Variants in IP6K2 observed in about 807,000 individuals in gnomAD.
The protein encoded by IP6K2 is ATP:1D-myo-inositol-hexakisphosphate phosphotransferase.
IP6K2 carries 9 observed loss-of-function variants against 43.3 expected under a neutral mutation model. The observed-to-expected ratio is 0.21, with a 90% CI of 0.13 to 0.36. The LOEUF is 0.36. IP6K2 is among the 10% of genes least tolerant of loss of function. The pLI, the probability that IP6K2 is intolerant of heterozygous loss-of-function variation, is 1.00. For synonymous variants in IP6K2, 209 were observed against 202.4 expected (o/e 1.03, Z -0.28); for missense variants, 332 against 538.4 (o/e 0.62, Z 3.79).
chr3:48,703,419 T>C (rs1394762635), intron 1 of IP6K2, among the ~76,000 whole-genome samples: 3 of 152,062 alleles, frequency 2.0e-5, no homozygotes, highest in African/African-American at 7.2e-5. Context: ...AAAATAATTA[T>C]CTCGGCCAGG....
rs531703398 is a variant in IP6K2 at position 48,714,723 on chromosome 3, G to T, written c.-131+2434C>A. 9.9e-5 allele frequency among the ~76,000 whole-genome samples: 15 copies of T among 152,148 alleles called. No individual in the cohort carries two copies. The East Asian group carries it at 1.9e-3, about 20-fold the overall frequency. On this transcript the variant is annotated intron_variant, in intron 1 of 5. Transcript: ENST00000328631. ...TTTCTTTCTTTAAAAGGTAGGGCAG[G>T]CCAGGCGCGGAGGCTGAGGCAGGCT...
In IP6K2 at chr3:48,703,510, C is replaced by T. The variant is rs373111571; in HGVS notation, c.-130-8089G>A. ...ACGAGGTCAGGAGATCAAGACCAACCTGGCTAACACGGTGAAACCCCATCT... is the reference window on the plus strand; with the variant it reads ...ACGAGGTCAGGAGATCAAGACCAACTTGGCTAACACGGTGAAACCCCATCT... On this transcript the variant is annotated intron_variant, in intron 1 of 5. Coordinates refer to ENST00000328631, the MANE Select transcript of IP6K2 (RefSeq NM_016291.4). Among the ~76,000 whole-genome samples, 3 of 149,202 alleles carry T rather than the reference C, an allele frequency of 2.0e-5. No individual in the cohort carries two copies. The East Asian group carries it at 6.0e-4, about 30-fold the overall frequency.
chr3:48,716,271 C>T (rs934118250), intron 1 of IP6K2, among the ~76,000 whole-genome samples: 2 of 152,212 alleles, frequency 1.3e-5, no homozygotes, highest in African/African-American at 4.8e-5. Flanking sequence ...TTACCACGTT[C>T]CAAAGTGCCA....
chr3:48,688,854 G>A lies in IP6K2; in HGVS notation c.781-81C>T, dbSNP rs1054414456. The A allele has an allele frequency of 6.2e-6, 9 of 1,463,298 alleles. No homozygotes were observed. Among genetic ancestry groups the A allele is most frequent in the Middle Eastern group, 2.1e-4 (1 of 4,680 alleles). The allele number at this position is 1,463,298 out of a possible 1,614,324, so 90.6% of individuals were successfully genotyped here. On this transcript the variant is annotated intron_variant, in intron 5 of 5. Transcript: ENST00000328631. This position sits in a 1 kb window ranked among gnomAD's most constrained non-coding sequence, Gnocchi z 5.1. ...CCGGGCGGGGGTGGGGTGGTGTGGT[G>A]GTGGCGGCATGTGACAGCCCAGATC...
intron 1 of IP6K2, among the ~76,000 whole-genome samples, chr3:48,712,377 G>T (rs1281631144): frequency 1.3e-5 from 2 of 151,366 alleles, no homozygotes; most frequent in Admixed American, 1.3e-4. Context: ...CGAGTAGCTG[G>T]GACTACAGGC....
At chr3:48,692,880 G>C (rs906678692) in intron 3 of IP6K2, 74 bp downstream of exon 3, 9 of 1,073,178 alleles carry the variant, frequency 8.4e-6, no homozygotes, top group African/African-American at 7.9e-5. Context: ...TAGCTCCAGG[G>C]AACTGGGCTG....
rs757981572 is a variant in IP6K2, at chr3:48,695,355, T to G, written c.-64A>C. On this transcript the variant is annotated 5_prime_UTR_variant, in exon 2 of 6. Transcript: ENST00000328631. The surrounding 1 kb of genome is among the most constrained non-coding windows in gnomAD (Gnocchi z 4.6). ...GGAGTCCAGCGGCCAGTACGTCTTCTGTCTGTTGTTTGTCCGTGTGTCCCT... is the reference window on the plus strand; with the variant it reads ...GGAGTCCAGCGGCCAGTACGTCTTCGGTCTGTTGTTTGTCCGTGTGTCCCT... 3.9e-6 allele frequency: 6 copies of G among 1,531,618 alleles called. No homozygotes were observed. The allele number at this position is 1,531,618 out of a possible 1,614,324, so 94.9% of individuals were successfully genotyped here. A position where few individuals can be genotyped will look rare whatever the true frequency, so the allele number is the denominator to read the frequency against.
chr3:48,692,523 A>G (rs184140709), intron 3 of IP6K2, among the ~76,000 whole-genome samples: 1 of 152,294 alleles, frequency 6.6e-6, no homozygotes, highest in Admixed American at 6.5e-5. Context: ...CTTTATATAT[A>G]CTATTTATAT....
At chr3:48,704,792 T>G (rs2079509485) in intron 1 of IP6K2, among the ~76,000 whole-genome samples, 1 of 151,698 alleles carries the variant, frequency 6.6e-6, no homozygotes, top group African/African-American at 2.4e-5. Context: ...ACACTTTTTT[T>G]TTTTCTCTGA....
chr3:48,708,898 C>A (rs1056464216), intron 1 of IP6K2, among the ~76,000 whole-genome samples: 1 of 152,136 alleles, frequency 6.6e-6, no homozygotes, highest in Non-Finnish European at 1.5e-5. Context: ...AATAGTGAGA[C>A]CTTGTCTCTA....
At chr3:48,693,920 T>A in intron 2 of IP6K2, 1 of 1,306,942 alleles carries the variant, frequency 7.7e-7, no homozygotes. Flanking sequence ...CTGCCATGAG[T>A]AATTAAGACA....
At chr3:48,707,208 A>G (rs1320952626) in intron 1 of IP6K2, among the ~76,000 whole-genome samples, 1 of 152,182 alleles carries the variant, frequency 6.6e-6, no homozygotes, top group Non-Finnish European at 1.5e-5. Flanking sequence ...GAGAGAGAAA[A>G]TACTGGGGGA....
At chr3:48,716,298 C>T (rs1358829238) in intron 1 of IP6K2, 1 of 152,148 alleles carries the variant, frequency 6.6e-6, no homozygotes. Flanking sequence ...TTTCTTAAAA[C>T]TATTCAAGAT....
chr3:48,689,849 C>T (rs926528876), intron 4 of IP6K2, 136 bp from the exon 5 acceptor site: 18 of 671,416 alleles, frequency 2.7e-5, no homozygotes, highest in East Asian at 1.6e-4. Context: ...CTGCCATCCC[C>T]GACACAGGGA....
intron 1 of IP6K2, among the ~76,000 whole-genome samples, chr3:48,702,480 T>TCTAAAAG (rs1559540623): frequency 6.6e-6 from 1 of 151,398 alleles, no homozygotes; most frequent in East Asian, 2.0e-4. Context: ...TCTTGCTCTG[T>TCTAAAAG]TGCCCAGGCT....
intron 2 of IP6K2, 95 bp downstream of exon 2, chr3:48,694,995 T>C: frequency 6.2e-7 from 1 of 1,608,642 alleles, no homozygotes; most frequent in Non-Finnish European, 8.5e-7. Context: ...TGGGAGGGAG[T>C]GAGGGCTCCA....
chr3:48,691,472 C>T lies in IP6K2; in HGVS notation c.439G>A (p.Glu147Lys). ...TTCTTTAGCCACTCAAATTCTTCTT[C>T]TAACTTATGGCTATAAAGAGATAAG... is the stretch of plus-strand genomic sequence containing the variant. ...KEEKMKSHKL[E>K]EEFEWLKKSE... Residue 147 changes from glutamate (E) to lysine (K), a missense_variant, in exon 4 of 6, where the codon GAA becomes AAA. Transcript: ENST00000328631. 1 of 1,609,278 alleles carries T rather than the reference C, an allele frequency of 6.2e-7. No individual in the cohort carries two copies. The highest frequency in any genetic ancestry group is 8.5e-7 in the Non-Finnish European group (1 of 1,176,700).
chr3:48,706,168 T>C (rs897351713), intron 1 of IP6K2, among the ~76,000 whole-genome samples: 2 of 151,390 alleles, frequency 1.3e-5, no homozygotes, highest in Non-Finnish European at 2.9e-5. Context: ...GACTACGCCA[T>C]TGCACTCCAG....
At chr3:48,705,629 G>A (rs1369589226) in intron 1 of IP6K2, among the ~76,000 whole-genome samples, 1 of 150,478 alleles carries the variant, frequency 6.6e-6, no homozygotes, top group Non-Finnish European at 1.5e-5. Flanking sequence ...CTCCAGCCTG[G>A]ATGACAGAGC....
Sources: allele counts gnomAD v4.1 joint callset (sites outside exome capture counted in the v4.1 genomes callset), GRCh38; gene constraint gnomAD v4.1.1; non-coding constraint Gnocchi (gnomAD v3.1); transcripts MANE v1.5; gene names NCBI Gene and HGNC (gene_info 2026-07-23, HGNC 2026-07-21).